CCNY: variants seen among roughly 807,000 people sequenced by gnomAD.
CCNY encodes the protein cyclin-Y.
In CCNY, 19 loss-of-function variants were observed where a neutral mutation model predicts 42.8. The observed-to-expected ratio is 0.44, with a 90% CI of 0.31 to 0.65. The LOEUF (loss-of-function observed/expected upper bound fraction) is 0.65. Among genes scored for constraint, CCNY ranks in the 30% least tolerant of loss-of-function variants. The pLI, the probability that CCNY is intolerant of heterozygous loss-of-function variation, is 0.07. For missense variants in CCNY, 370 were observed against 437.3 expected (o/e 0.85, Z 1.37); for synonymous variants, 165 against 162.7 (o/e 1.01, Z -0.11).
chr10:35,340,236 G>C (rs1342799161), intron 1 of CCNY, among the ~76,000 whole-genome samples: 3 of 152,148 alleles, frequency 2.0e-5, no homozygotes, highest in Non-Finnish European at 4.4e-5. Flanking sequence ...GCCATCAAAC[G>C]TTAGCTAGTC....
rs939846104 is a variant in CCNY at position 35,494,217 on chromosome 10, C to T, written c.230-7284C>T. ...TTGAGCCCAGGAGTTCAAGACCAGC[C>T]TGGACAGCATAGTGAGACCCCCCCC... On this transcript the variant is annotated intron_variant, in intron 2 of 9. Coordinates refer to ENST00000374704, the MANE Select transcript of CCNY (RefSeq NM_145012.6). 2.9e-5 allele frequency among the ~76,000 whole-genome samples: 4 copies of T among 136,756 alleles called. No homozygotes were observed. In the Admixed American group the frequency reaches 3.2e-4, roughly 11 times the overall value. The allele number at this position is 136,756 out of a possible 152,430, so 89.7% of individuals were successfully genotyped here. A position where few individuals can be genotyped will look rare whatever the true frequency, so the allele number is the denominator to read the frequency against.
At chr10:35,443,617 C>A (rs1324381083) in intron 1 of CCNY, among the ~76,000 whole-genome samples, 4 of 152,130 alleles carry the variant, frequency 2.6e-5, no homozygotes, top group Admixed American at 2.6e-4. Flanking sequence ...TAAATAGTAG[C>A]CTCTCTTAGA....
At chr10:35,249,916 C>T (rs34091150) in intron 2 of CCNY, among the ~76,000 whole-genome samples, 16,654 of 151,658 alleles carry the variant, frequency 0.11, 1,083 homozygotes, top group Middle Eastern at 0.16. Flanking sequence ...CGGGTGTGGC[C>T]GGGTGCGGTG....
chr10:35,431,169 G>T (rs1489532767), intron 1 of CCNY, among the ~76,000 whole-genome samples: 2 of 151,868 alleles, frequency 1.3e-5, no homozygotes, highest in Non-Finnish European at 2.9e-5. Context: ...AACCTTTCTG[G>T]TGAATATGTT....
chr10:35,274,489 C>T (rs1343260149), intron 3 of CCNY, among the ~76,000 whole-genome samples: 5 of 152,188 alleles, frequency 3.3e-5, no homozygotes, highest in Non-Finnish European at 7.3e-5. Flanking sequence ...CCTGATGTCA[C>T]AGGCTCCTAA....
intron 3 of CCNY, among the ~76,000 whole-genome samples, chr10:35,255,829 A>T (rs1195449949): frequency 1.3e-5 from 2 of 152,148 alleles, no homozygotes; most frequent in Admixed American, 6.6e-5. Context: ...TCCTGGGCTC[A>T]AGCGATTTGA....
chr10:35,469,514 CTG>C (rs1017170608), intron 1 of CCNY, among the ~76,000 whole-genome samples: 117 of 152,060 alleles, frequency 7.7e-4, no homozygotes, highest in Middle Eastern at 3.4e-3. Flanking sequence ...AGAAGAGAGA[CTG>C]AGAGATGGGT....
intron 8 of CCNY, among the ~76,000 whole-genome samples, chr10:35,555,130 C>G (rs1336030917): frequency 6.6e-6 from 1 of 152,142 alleles, no homozygotes; most frequent in Non-Finnish European, 1.5e-5. Context: ...GTACTGATGT[C>G]CATGTTACAG....
chr10:35,359,071 T>C (rs949162509), intron 1 of CCNY, among the ~76,000 whole-genome samples: 6 of 152,246 alleles, frequency 3.9e-5, no homozygotes, highest in African/African-American at 1.4e-4. Context: ...CCTACATGGC[T>C]TATTAGGTAA....
intron 7 of CCNY, among the ~76,000 whole-genome samples, chr10:35,537,591 T>G (rs1840911876): frequency 6.6e-6 from 1 of 152,074 alleles, no homozygotes; most frequent in Admixed American, 6.6e-5. Flanking sequence ...TGACCTGGAG[T>G]CAAAGGAGAT....
intron 3 of CCNY, among the ~76,000 whole-genome samples, chr10:35,503,046 C>T (rs1840142249): frequency 6.6e-6 from 1 of 152,124 alleles, no homozygotes; most frequent in Non-Finnish European, 1.5e-5. Context: ...AGGTGTGCTC[C>T]CACAGTTCTA....
intron 1 of CCNY, among the ~76,000 whole-genome samples, chr10:35,436,987 A>G (rs1303324075): frequency 1.3e-5 from 2 of 152,232 alleles, no homozygotes; most frequent in Admixed American, 1.3e-4. Flanking sequence ...TCATGGCGGA[A>G]GGCGGAAGAC....
At chr10:35,381,496 G>A (rs996614521) in intron 1 of CCNY, among the ~76,000 whole-genome samples, 2 of 151,906 alleles carry the variant, frequency 1.3e-5, no homozygotes, top group Non-Finnish European at 2.9e-5. Context: ...AACCCGGGAG[G>A]TGGAGGTTGC....
chr10:35,375,329 C>T (rs1436485175), intron 1 of CCNY, among the ~76,000 whole-genome samples: 4 of 152,142 alleles, frequency 2.6e-5, no homozygotes, highest in African/African-American at 9.7e-5. Flanking sequence ...CAGGCCCTTC[C>T]TCCATCTTTA....
chr10:35,303,759 A>G (rs1356203718), intron 3 of CCNY, among the ~76,000 whole-genome samples: 1 of 143,610 alleles, frequency 7.0e-6, no homozygotes, highest in African/African-American at 2.6e-5. Flanking sequence ...CCTGGGCGAC[A>G]ACAGCGAAAC....
intron 3 of CCNY, among the ~76,000 whole-genome samples, chr10:35,269,326 T>C (rs541150577): frequency 6.6e-6 from 1 of 152,256 alleles, no homozygotes; most frequent in African/African-American, 2.4e-5. Flanking sequence ...GCTTTCTTTT[T>C]TGTTTTTTGA....
In CCNY at chr10:35,251,720, C is replaced by G. The variant is rs548284200; in HGVS notation, c.-9+1094C>G. ...CCTCCCACCTCAACCTCTCGAGTAG[C>G]TGGGACTACAGGCATGAGCCACCAC... is the stretch of plus-strand genomic sequence containing the variant. On this transcript the variant is annotated intron_variant, in intron 3 of 11. Coordinates refer to the CCNY transcript ENST00000374706. Among the ~76,000 whole-genome samples, 4 of 152,078 alleles carry G rather than the reference C, an allele frequency of 2.6e-5. No homozygotes were observed. In the South Asian group the frequency reaches 8.3e-4, roughly 32 times the overall value.
intron 1 of CCNY, among the ~76,000 whole-genome samples, chr10:35,376,955 G>A (rs1395069218): frequency 6.6e-6 from 1 of 152,166 alleles, no homozygotes; most frequent in Non-Finnish European, 1.5e-5. Flanking sequence ...TGATGAAAAT[G>A]TTTTGGAATT....
intron 7 of CCNY, among the ~76,000 whole-genome samples, chr10:35,539,344 A>G (rs1439687352): frequency 6.6e-6 from 1 of 152,170 alleles, no homozygotes; most frequent in African/African-American, 2.4e-5. Context: ...GACTATGTAG[A>G]TCAGTTTGGG....
Sources: gnomAD v4.1 joint callset for allele counts (sites outside exome capture counted in the v4.1 genomes callset) on GRCh38, gnomAD v4.1.1 for gene constraint, MANE v1.5 for transcripts, NCBI Gene and HGNC (gene_info 2026-07-23, HGNC 2026-07-21) for gene names.